Variants in TAFA2 observed in about 807,000 individuals in gnomAD.
The protein encoded by TAFA2 is chemokine-like protein TAFA-2.
TAFA2 carries 7 observed loss-of-function variants against 18.8 expected under a neutral mutation model. That is an observed-to-expected ratio of 0.37 (90% CI 0.21 to 0.70). The LOEUF is 0.70. Ranked by LOEUF, TAFA2 falls within the 30% of genes least tolerant of loss-of-function variation. TAFA2 has a pLI of 0.53. For missense variants in TAFA2, 122 were observed against 158.1 expected (o/e 0.77, Z 1.23); for synonymous variants, 60 against 54.2 (o/e 1.11, Z -0.47).
intron 1 of TAFA2, among the ~76,000 whole-genome samples, chr12:62,045,795 A>G (rs1881893450): frequency 6.6e-6 from 1 of 152,146 alleles, no homozygotes; most frequent in Non-Finnish European, 1.5e-5. Flanking sequence ...GGCTACCCAG[A>G]ACAGTATGAG....
intron 4 of TAFA2, among the ~76,000 whole-genome samples, chr12:61,731,633 T>C (rs1036760045): frequency 6.6e-6 from 1 of 152,116 alleles, no homozygotes; most frequent in African/African-American, 2.4e-5. Context: ...AACTTCCATG[T>C]TCTTTTGTAA....
At chr12:62,116,224 A>G (rs907198591) in intron 1 of TAFA2, among the ~76,000 whole-genome samples, 2 of 152,174 alleles carry the variant, frequency 1.3e-5, no homozygotes, top group Admixed American at 1.3e-4. Flanking sequence ...TCACAGCAGC[A>G]TACACTGAGA....
At chr12:62,165,722 T>A (rs1314447295) in intron 1 of TAFA2, among the ~76,000 whole-genome samples, 1 of 151,986 alleles carries the variant, frequency 6.6e-6, no homozygotes, top group African/African-American at 2.4e-5. Context: ...TTTACTTCCT[T>A]CCCATTTCCA....
chr12:61,929,751 A>G (rs537231467), intron 1 of TAFA2, among the ~76,000 whole-genome samples: 10 of 152,184 alleles, frequency 6.6e-5, no homozygotes, highest in African/African-American at 1.7e-4. Flanking sequence ...ACTTGGAACC[A>G]ACCCAAATGT....
intron 1 of TAFA2, among the ~76,000 whole-genome samples, chr12:62,003,943 T>G (rs539463850): frequency 2.3e-4 from 35 of 152,334 alleles, no homozygotes; most frequent in Non-Finnish European, 4.7e-4. Flanking sequence ...AGAACGTTTC[T>G]AATTGACTCA....
intron 2 of TAFA2, among the ~76,000 whole-genome samples, chr12:61,842,672 G>A (rs973954747): frequency 1.3e-5 from 2 of 151,502 alleles, no homozygotes; most frequent in African/African-American, 4.9e-5. Flanking sequence ...AAATCTCAAA[G>A]GCATGAAAAG....
intron 2 of TAFA2, among the ~76,000 whole-genome samples, chr12:61,778,020 G>A (rs937893189): frequency 8.6e-5 from 13 of 151,632 alleles, no homozygotes; most frequent in Non-Finnish European, 1.8e-4. Flanking sequence ...GGGTCAAATA[G>A]ACCCAAACAG....
intron 2 of TAFA2, among the ~76,000 whole-genome samples, chr12:61,782,906 TC>T (rs968137606): frequency 6.6e-6 from 1 of 151,726 alleles, no homozygotes; most frequent in Non-Finnish European, 1.5e-5. Context: ...TAAAACTGTT[TC>T]CCCTAGGAAA....
intron 1 of TAFA2, among the ~76,000 whole-genome samples, chr12:62,127,310 C>T (rs1443821005): frequency 3.3e-5 from 5 of 152,106 alleles, no homozygotes; most frequent in East Asian, 3.9e-4. Flanking sequence ...CCCCACCCAC[C>T]TCCATCATTC....
intron 1 of TAFA2, among the ~76,000 whole-genome samples, chr12:62,217,527 A>G (rs2062740566): frequency 6.6e-6 from 1 of 152,242 alleles, no homozygotes; most frequent in Non-Finnish European, 1.5e-5. Flanking sequence ...GAGCTGCCCA[A>G]GTCAGCTGAA....
chr12:62,130,594 C>T (rs139506853), intron 1 of TAFA2, among the ~76,000 whole-genome samples: 2 of 151,890 alleles, frequency 1.3e-5, no homozygotes, highest in African/African-American at 4.8e-5. Flanking sequence ...TTCCTCTTTT[C>T]GTTTCACTGG....
At chr12:61,937,182 AG>A (rs1877804192) in intron 1 of TAFA2, among the ~76,000 whole-genome samples, 1 of 152,232 alleles carries the variant, frequency 6.6e-6, no homozygotes, top group African/African-American at 2.4e-5. Context: ...AATGCATCCC[AG>A]GTTCATGAAT....
chr12:61,994,273 T>C (rs1880109475), intron 1 of TAFA2, among the ~76,000 whole-genome samples: 1 of 152,154 alleles, frequency 6.6e-6, no homozygotes, highest in Admixed American at 6.5e-5. Flanking sequence ...CAAACCCATC[T>C]ATCTGTTCAA....
intron 1 of TAFA2, among the ~76,000 whole-genome samples, chr12:62,177,019 C>T (rs986276426): frequency 1.3e-5 from 2 of 152,214 alleles, no homozygotes; most frequent in African/African-American, 4.8e-5. Flanking sequence ...TCTTGAATTG[C>T]TGTGTGAGTT....
chr12:61,751,795 T>C (rs891497453), intron 4 of TAFA2, among the ~76,000 whole-genome samples: 1 of 151,986 alleles, frequency 6.6e-6, no homozygotes, highest in African/African-American at 2.4e-5. Flanking sequence ...AAGCAGACAC[T>C]CCATTTTAAA....
Position 62,087,086 on chromosome 12 carries a change from C to T in TAFA2, c.-2+104173G>A, listed in dbSNP as rs1285778016. ...ATTTATAAGAGGCACTTAGAGTAGT[C>T]AAATTTGTTCATAGAGACAGAAAGT... On this transcript the variant is annotated intron_variant, in intron 1 of 4. Transcript: ENST00000416284. Among the ~76,000 whole-genome samples the T allele has an allele frequency of 2.0e-5, 3 of 151,934 alleles. No homozygotes were observed. In the East Asian group the frequency reaches 5.8e-4, roughly 29 times the overall value.
intron 1 of TAFA2, among the ~76,000 whole-genome samples, chr12:62,186,364 C>G (rs1431886585): frequency 6.6e-6 from 1 of 152,034 alleles, no homozygotes; most frequent in East Asian, 1.9e-4. Context: ...TTGCATTCAT[C>G]AAAAACTACT....
In TAFA2 at chr12:62,021,224, G is replaced by A. The variant is rs1231670321; in HGVS notation, c.-1-153798C>T. Among the ~76,000 whole-genome samples the A allele has an allele frequency of 2.0e-5, 3 of 152,142 alleles. No individual in the cohort carries two copies. In the East Asian group the frequency reaches 5.8e-4, roughly 29 times the overall value. ...CATAATATTTGATTAGCAGATGCTT[G>A]GGACACATAGCCCAAATTGTGGGAA... is the stretch of plus-strand genomic sequence containing the variant. On this transcript the variant is annotated intron_variant, in intron 1 of 4. Coordinates refer to ENST00000416284, the MANE Select transcript of TAFA2 (RefSeq NM_178539.5).
At chr12:61,940,343 G>C (rs867412284) in intron 1 of TAFA2, among the ~76,000 whole-genome samples, 1 of 152,226 alleles carries the variant, frequency 6.6e-6, no homozygotes, top group South Asian at 2.1e-4. Context: ...GTAGATGGTG[G>C]TATGGAGAAA....
Sources: allele counts gnomAD v4.1 joint callset (sites outside exome capture counted in the v4.1 genomes callset), GRCh38; gene constraint gnomAD v4.1.1; transcripts MANE v1.5; gene names NCBI Gene and HGNC (gene_info 2026-07-23, HGNC 2026-07-21).